The following KIAA1755 variants were observed in gnomAD, a reference collection of about 807,000 sequenced individuals.
The protein encoded by KIAA1755 is uncharacterized protein KIAA1755.
Under a neutral mutation model 91.7 loss-of-function variants are expected in KIAA1755, and 68 were observed. That is an observed-to-expected ratio of 0.74 (90% CI 0.61 to 0.91). The LOEUF (loss-of-function observed/expected upper bound fraction) is 0.91. KIAA1755 is among the 40% of genes least tolerant of loss of function. KIAA1755 has a pLI of 0.00. For missense variants in KIAA1755, 1,535 were observed against 1,494.4 expected (o/e 1.03, Z -0.45); for synonymous variants, 610 against 604.6 (o/e 1.01, Z -0.13).
rs1298955199 is a variant in KIAA1755, at chr20:38,219,635, G to A, written c.2551C>T (p.His851Tyr). ...AAGCCAGACACCCCTTTCACCTGGT[G>A]AATGGCAGCTTCCAGGCGGCCCAGG... ...VRLGRLEAAI[H>Y]QVSDWMEQEG... The change falls in exon 11 of 14, where the codon CAC becomes TAC. Residue 851 changes from histidine to tyrosine, a missense_variant. By Grantham distance (83) the His-to-Tyr change is moderately conservative. Transcript: ENST00000279024. The A allele has an allele frequency of 6.2e-7, 1 of 1,614,054 alleles. No individual in the cohort carries two copies. Among genetic ancestry groups the A allele is most frequent in the Admixed American group, 1.7e-5 (1 of 60,026 alleles).
intron 13 of KIAA1755, 96 bp downstream of exon 13, chr20:38,217,157 G>C (rs1390346741): frequency 9.1e-7 from 1 of 1,104,476 alleles, no homozygotes; most frequent in East Asian, 2.6e-5. Flanking sequence ...TGTCTATGCA[G>C]TCAGGCCATG....
At chr20:38,231,466 G>T in intron 4 of KIAA1755, 141 bp from the exon 5 acceptor site, 1 of 975,272 alleles carries the variant, frequency 1.0e-6, no homozygotes, top group Non-Finnish European at 1.5e-6. Context: ...TGTGAACTCT[G>T]ACTTCTACTT....
rs375237858 is a variant in KIAA1755 at position 38,260,551 on chromosome 20, G to C, written c.-51C>G. 191 of 1,481,658 alleles carry C rather than the reference G, an allele frequency of 1.3e-4. 1 individual carries two copies. The African/African-American group carries it at 2.2e-3, about 17-fold the overall frequency. 91.8% of individuals were successfully genotyped at this position (1,481,658 alleles called of 1,614,324 possible). A position where few individuals can be genotyped will look rare whatever the true frequency, so the allele number is the denominator to read the frequency against. On this transcript the variant is annotated 5_prime_UTR_variant, in exon 1 of 14. Transcript: ENST00000279024. ...GCGCGGCTCCTCTCCTGGGCGCGGG[G>C]TCTGTGGGTCCGCGGGTCCGTCTGT...
In KIAA1755 at chr20:38,217,233, AG is replaced by A. The variant is rs1319750208; in HGVS notation, c.2901+19del. 1 of 1,571,502 alleles carries A rather than the reference AG, an allele frequency of 6.4e-7. No homozygotes were observed. Among genetic ancestry groups the A allele is most frequent in the Non-Finnish European group, 8.6e-7 (1 of 1,159,908 alleles). ...CCAGGGGATCGGGGGGTATCTGTGC[AG>A]GTGGGCCGCGGGGCTCACCCTCTTG... is the stretch of plus-strand genomic sequence containing the variant. On this transcript the variant is annotated intron_variant, in intron 13 of 13. Transcript: ENST00000279024.
rs370976438 is a variant in KIAA1755 at position 38,228,170 on chromosome 20, C to A, written c.1942G>T (p.Val648Phe). Residue 648 changes from valine to phenylalanine, a missense_variant, in exon 6 of 14, where the codon GTC (valine) becomes TTC (phenylalanine). Val to Phe is a conservative substitution (Grantham distance 50). Coordinates refer to ENST00000279024, the MANE Select transcript of KIAA1755 (RefSeq NM_001029864.2). ...ACCTGGGTGGCCTGCAGGGCGCTGA[C>A]CAGACCGGGCTGTGGGGGCTGTCTC... is the stretch of plus-strand genomic sequence containing the variant. ...ARRQPPQPGL[V>F]SALQATQAQV... is the part of the protein sequence containing the mutation. 1.2e-6 allele frequency: 2 copies of A among 1,605,276 alleles called. No homozygotes were observed. Among genetic ancestry groups the A allele is most frequent in the Non-Finnish European group, 1.7e-6 (2 of 1,176,408 alleles).
rs923628553 is a variant in KIAA1755, at chr20:38,260,704, G to A, written c.-204C>T. On this transcript the variant is annotated 5_prime_UTR_variant, in exon 1 of 14. Transcript: ENST00000279024. ...GGAGAGAGACTGAGAGAGAGACAGA[G>A]AGGGACTGAGGCTGGAGACGGCGAG... The A allele has an allele frequency of 1.6e-5, 8 of 485,786 alleles. No homozygotes were observed. The highest frequency in any genetic ancestry group is 2.6e-5 in the Non-Finnish European group (8 of 305,696). The allele number at this position is 485,786 out of a possible 1,614,324, so 30.1% of individuals were successfully genotyped here.
chr20:38,241,236 C>T lies in KIAA1755; in HGVS notation c.895G>A (p.Gly299Arg). ...SPSREAGTSS[G>R]CTSGALEEIA... ...TCCTCTAGTGCCCCAGAAGTACACC[C>T]ACTGGATGTGCCTGCCTCCCTACTG... The change falls in exon 3 of 14, where the codon GGG (glycine) becomes AGG (arginine). Residue 299 changes from glycine to arginine, a missense_variant. Gly to Arg is a moderately radical substitution (Grantham distance 125). Coordinates refer to ENST00000279024, the MANE Select transcript of KIAA1755 (RefSeq NM_001029864.2). 6.2e-7 allele frequency: 1 copy of T among 1,614,180 alleles called. No individual in the cohort carries two copies. Among genetic ancestry groups the T allele is most frequent in the Non-Finnish European group, 8.5e-7 (1 of 1,180,026 alleles).
At position 38,260,066 on chromosome 20, in the gene KIAA1755, C is replaced by T. The variant is rs957516243; in HGVS notation, c.3+432G>A. ...GACCCTTAACCCTCCTCGCCCTGCA[C>T]TGCCTGGCTGGCCTGGGAGGGGACT... is the stretch of plus-strand genomic sequence containing the variant. On this transcript the variant is annotated intron_variant, in intron 1 of 13. Transcript: ENST00000279024. 3.7e-5 allele frequency: 20 copies of T among 542,148 alleles called. No individual in the cohort carries two copies. The South Asian group carries it at 4.3e-4, about 12-fold the overall frequency. 33.6% of individuals were successfully genotyped at this position (542,148 alleles called of 1,614,324 possible). A position where few individuals can be genotyped will look rare whatever the true frequency, so the allele number is the denominator to read the frequency against.
chr20:38,224,515 C>T (rs1350846576), intron 8 of KIAA1755, among the ~76,000 whole-genome samples: 1 of 152,128 alleles, frequency 6.6e-6, no homozygotes, highest in East Asian at 1.9e-4. Context: ...TAGTATAGAC[C>T]GGCGGTTCTC....
At chr20:38,239,207 CT>C (rs1216093847) in intron 4 of KIAA1755, among the ~76,000 whole-genome samples, 1 of 152,258 alleles carries the variant, frequency 6.6e-6, no homozygotes, top group African/African-American at 2.4e-5. Flanking sequence ...CAGAGCCCTC[CT>C]CCAATAGGTC....
At chr20:38,215,049 T>C (rs373685562) in intron 13 of KIAA1755, among the ~76,000 whole-genome samples, 24 of 152,368 alleles carry the variant, frequency 1.6e-4, no homozygotes, top group African/African-American at 5.5e-4. Context: ...CCAAAGCTGC[T>C]GCACACACGC....
At chr20:38,226,400 C>A (rs1261342495) in intron 7 of KIAA1755, among the ~76,000 whole-genome samples, 1 of 152,200 alleles carries the variant, frequency 6.6e-6, no homozygotes, top group African/African-American at 2.4e-5. Context: ...CATGGGCCAG[C>A]ATCGCCGGCA....
At chr20:38,231,081 C>T (rs750627304) in intron 5 of KIAA1755, 121 bp downstream of exon 5, 2 of 1,108,484 alleles carry the variant, frequency 1.8e-6, no homozygotes, top group Non-Finnish European at 2.5e-6. Context: ...TGGGGACTGG[C>T]TCTGTGAACA....
Position 38,216,967 on chromosome 20 carries a change from C to T in KIAA1755, c.2901+286G>A, listed in dbSNP as rs929653333. The T allele has an allele frequency of 2.0e-5, 13 of 660,704 alleles. No homozygotes were observed. The African/African-American group carries it at 2.3e-4, about 12-fold the overall frequency. The allele number at this position is 660,704 out of a possible 1,614,324, so 40.9% of individuals were successfully genotyped here. ...CACAGACACATCTATGTTCAAATCT[C>T]AGCTCTTCCCCTTCCTCTGTTTTTT... On this transcript the variant is annotated intron_variant, in intron 13 of 13. Coordinates refer to ENST00000279024, the MANE Select transcript of KIAA1755 (RefSeq NM_001029864.2).
chr20:38,225,157 C>T (rs973505785), intron 8 of KIAA1755, among the ~76,000 whole-genome samples: 1 of 152,078 alleles, frequency 6.6e-6, no homozygotes, highest in African/African-American at 2.4e-5. Flanking sequence ...CCATGCCTGG[C>T]TAACTTTTTC....
intron 4 of KIAA1755, among the ~76,000 whole-genome samples, chr20:38,234,219 C>T (rs779514988): frequency 2.0e-5 from 3 of 152,202 alleles, no homozygotes; most frequent in Non-Finnish European, 2.9e-5. Context: ...TACCACCCAG[C>T]TTTGTTCACC....
chr20:38,237,818 C>A (rs141890060), intron 4 of KIAA1755, among the ~76,000 whole-genome samples: 1 of 134,364 alleles, frequency 7.4e-6, no homozygotes, highest in Non-Finnish European at 1.6e-5. Flanking sequence ...AAGTTGGTTA[C>A]GGGGGATGCG....
Position 38,210,904 on chromosome 20 carries a change from G to C in KIAA1755, c.*2138C>G, listed in dbSNP as rs1390780437. 6.6e-6 allele frequency: 1 copy of C among 152,238 alleles called. No homozygotes were observed. The highest frequency in any genetic ancestry group is 1.9e-4 in the East Asian group (1 of 5,202). 9.4% of individuals were successfully genotyped at this position (152,238 alleles called of 1,614,324 possible). A position where few individuals can be genotyped will look rare whatever the true frequency, so the allele number is the denominator to read the frequency against. On this transcript the variant is annotated 3_prime_UTR_variant, in exon 14 of 14. Transcript: ENST00000279024. ...CAACGCCTCTTGCATCTTTGGGCCT[G>C]TCTGGATGGAAGGCAGGGAGGGGAA...
At chr20:38,256,199 A>G (rs1463940028) in intron 1 of KIAA1755, among the ~76,000 whole-genome samples, 1 of 152,088 alleles carries the variant, frequency 6.6e-6, no homozygotes, top group Non-Finnish European at 1.5e-5. Flanking sequence ...CCTCTTAGTC[A>G]TCATAGTGGG....
Sources: gnomAD v4.1 joint callset for allele counts (sites outside exome capture counted in the v4.1 genomes callset) on GRCh38, gnomAD v4.1.1 for gene constraint, MANE v1.5 for transcripts, NCBI Gene and HGNC (gene_info 2026-07-23, HGNC 2026-07-21) for gene names.